MSANTD3: variants seen among roughly 807,000 people sequenced by gnomAD.
MSANTD3 encodes the protein Myb/SANT DNA binding domain containing 3.
Under a neutral mutation model 27.7 loss-of-function variants are expected in MSANTD3, and 11 were observed. The observed-to-expected ratio is 0.40, with a 90% confidence interval of 0.25 to 0.66. MSANTD3 has a LOEUF of 0.66. Among genes scored for constraint, MSANTD3 ranks in the 30% least tolerant of loss-of-function variants. The pLI is 0.41. For missense variants in MSANTD3, 250 were observed against 336.5 expected, an observed-to-expected ratio of 0.74 and a Z score of 2.01; for synonymous variants, 131 against 127.2, an observed-to-expected ratio of 1.03 and a Z score of -0.20.
chr9:100,449,900 T>G (rs964801966), intron 2 of MSANTD3, among the ~76,000 whole-genome samples: 2 of 151,858 alleles, frequency 1.3e-5, no homozygotes, highest in Non-Finnish European at 2.9e-5. Context: ...GGAAAGAAAT[T>G]TCAAGGATAG....
intron 1 of MSANTD3, among the ~76,000 whole-genome samples, chr9:100,432,739 A>G (rs1464152151): frequency 6.6e-6 from 1 of 152,374 alleles, no homozygotes; most frequent in East Asian, 1.9e-4. Context: ...TAACAAGGTC[A>G]TCTAAAGTGC....
chr9:100,438,094 T>TA (rs1836518486), intron 1 of MSANTD3, among the ~76,000 whole-genome samples: 1 of 152,206 alleles, frequency 6.6e-6, no homozygotes, highest in Non-Finnish European at 1.5e-5. Flanking sequence ...GAGGAAGAAT[T>TA]ACATTGCTTG....
chr9:100,440,587 C>CA (rs377061176), intron 1 of MSANTD3, among the ~76,000 whole-genome samples: 1,413 of 140,938 alleles, frequency 0.01, 26 homozygotes, highest in African/African-American at 0.035. Context: ...ATGAAAACGT[C>CA]AAATTTTTTT....
chr9:100,436,548 C>A (rs1437038913), intron 1 of MSANTD3, among the ~76,000 whole-genome samples: 1 of 152,132 alleles, frequency 6.6e-6, no homozygotes, highest in Admixed American at 6.5e-5. Flanking sequence ...CAGGGAAGTC[C>A]AGTCTATCCC....
In MSANTD3 at chr9:100,430,339, AAAAG is replaced by A. The variant is rs1050964722; in HGVS notation, c.-34+2948_-34+2951del. Among the ~76,000 whole-genome samples the A allele has an allele frequency of 7.9e-5, 12 of 151,564 alleles. 1 individual carries two copies. The highest frequency in any genetic ancestry group is 1.3e-4 in the Non-Finnish European group (9 of 67,934). On this transcript the variant is annotated intron_variant, in intron 1 of 2. Coordinates refer to ENST00000395067, the MANE Select transcript of MSANTD3 (RefSeq NM_080655.3). Reference sequence around the variant, plus strand: ...GACTCTGTGTCAAAAAAAAAAAAAAAAAAGAGAGATTGAAAATGGGCCCTTGGTG... The same window carrying A: ...GACTCTGTGTCAAAAAAAAAAAAAAAAGAGATTGAAAATGGGCCCTTGGTG...
At position 100,442,283 on chromosome 9, in the gene MSANTD3, G is replaced by A; in HGVS notation, c.345G>A (p.Leu115=). ...VLGKEKIASM[L]PEQLYFLQSP... ...GGAAGGAGAAGATCGCCAGCATGCT[G>A]CCGGAGCAGCTCTACTTCCTGCAGA... Residue 115 remains leucine, a synonymous_variant, in exon 2 of 3, where the codon CTG becomes CTA. Transcript: ENST00000395067. The A allele has an allele frequency of 6.2e-7, 1 of 1,614,180 alleles. No homozygotes were observed. Among genetic ancestry groups the A allele is most frequent in the Non-Finnish European group, 8.5e-7 (1 of 1,180,048 alleles).
chr9:100,437,435 G>T (rs1039605123), intron 1 of MSANTD3, among the ~76,000 whole-genome samples: 1 of 152,192 alleles, frequency 6.6e-6, no homozygotes, highest in African/African-American at 2.4e-5. Flanking sequence ...TTACTATTTT[G>T]TGACCAGAGT....
chr9:100,440,780 CTTTTTTTTTTTTT>C (rs529362356), intron 1 of MSANTD3, among the ~76,000 whole-genome samples: 1 of 85,696 alleles, frequency 1.2e-5, no homozygotes, highest in Admixed American at 1.4e-4. Flanking sequence ...TTTTTCTTCC[CTTTTTTTTTTTTT>C]TTTTTTTTTT....
chr9:100,429,257 G>A (rs1191142635), intron 1 of MSANTD3, among the ~76,000 whole-genome samples: 1 of 152,212 alleles, frequency 6.6e-6, no homozygotes, highest in Non-Finnish European at 1.5e-5. Flanking sequence ...AAGAGCAATT[G>A]CTTTGGAGAG....
At position 100,451,250 on chromosome 9, in the gene MSANTD3, G is replaced by T; in HGVS notation, c.*284G>T. On this transcript the variant is annotated 3_prime_UTR_variant, in exon 3 of 3. Transcript: ENST00000395067. ...ACAAGAACCACGTGTGAGTGTTGTT[G>T]TTGTTGTTTTTTTTTTTAATCAAAT... is the stretch of plus-strand genomic sequence containing the variant. 5 of 289,494 alleles carry T rather than the reference G, an allele frequency of 1.7e-5. No homozygotes were observed. Among genetic ancestry groups the T allele is most frequent in the South Asian group, 1.3e-4 (1 of 7,430 alleles). The allele number at this position is 289,494 out of a possible 1,614,324, so 17.9% of individuals were successfully genotyped here. A position where few individuals can be genotyped will look rare whatever the true frequency, so the allele number is the denominator to read the frequency against.
intron 1 of MSANTD3, among the ~76,000 whole-genome samples, chr9:100,429,025 C>T (rs997761968): frequency 2.3e-4 from 35 of 152,184 alleles, no homozygotes; most frequent in African/African-American, 8.4e-4. Flanking sequence ...ACAGGCTGTT[C>T]AGTTCTCAGC....
intron 1 of MSANTD3, 34 bp downstream of exon 1, chr9:100,427,427 G>A (rs1050504454): frequency 7.0e-6 from 1 of 141,936 alleles, no homozygotes; most frequent in South Asian, 2.2e-4. Context: ...GGCCGCAGCC[G>A]GGCGGGGGCG....
chr9:100,440,780 CTTTTTTTTTTT>C (rs529362356), intron 1 of MSANTD3, among the ~76,000 whole-genome samples: 1 of 85,696 alleles, frequency 1.2e-5, no homozygotes, highest in South Asian at 5.3e-4. Context: ...TTTTTCTTCC[CTTTTTTTTTTT>C]TTTTTTTTTT....
At chr9:100,448,389 C>T (rs544371656) in intron 2 of MSANTD3, 1 of 985,174 alleles carries the variant, frequency 1.0e-6, no homozygotes, top group South Asian at 4.7e-5. Flanking sequence ...ATTTTCAGAT[C>T]CAAAACTAGA....
At chr9:100,449,059 A>G in intron 2 of MSANTD3, 1 of 985,370 alleles carries the variant, frequency 1.0e-6, no homozygotes. Flanking sequence ...GGACGTAATA[A>G]TGTAATCAAC....
At chr9:100,442,428 C>A in intron 2 of MSANTD3, 72 bp downstream of exon 2, 1 of 1,511,240 alleles carries the variant, frequency 6.6e-7, no homozygotes, top group Non-Finnish European at 8.8e-7. Context: ...TAAAACCCTC[C>A]ACTTTGAGGG....
chr9:100,435,938 A>C (rs1836469462), intron 1 of MSANTD3, among the ~76,000 whole-genome samples: 1 of 152,164 alleles, frequency 6.6e-6, no homozygotes, highest in South Asian at 2.1e-4. Context: ...TTGGATAGTA[A>C]ATGTATGCAT....
intron 1 of MSANTD3, 123 bp from the exon 2 acceptor site, chr9:100,441,783 C>T (rs1336758133): frequency 1.8e-6 from 2 of 1,129,190 alleles, no homozygotes; most frequent in Non-Finnish European, 2.4e-6. Context: ...ATAATTCAAC[C>T]TTAATGGAAA....
intron 1 of MSANTD3, among the ~76,000 whole-genome samples, chr9:100,437,857 G>T (rs972850987): frequency 4.6e-5 from 7 of 152,230 alleles, no homozygotes; most frequent in African/African-American, 1.4e-4. Flanking sequence ...AACAAACTGT[G>T]CTCTCAGAGG....
Sources: gnomAD v4.1 joint callset for allele counts (sites outside exome capture counted in the v4.1 genomes callset) on GRCh38, gnomAD v4.1.1 for gene constraint, MANE v1.5 for transcripts, NCBI Gene and HGNC (gene_info 2026-07-23, HGNC 2026-07-21) for gene names.